SH3RF3: variants seen among roughly 807,000 people sequenced by gnomAD.
SH3RF3 encodes E3 ubiquitin-protein ligase SH3RF3.
A neutral mutation model predicts 66.3 loss-of-function variants in SH3RF3; 29 were observed. The ratio of observed to expected loss-of-function variants is 0.44; its 90% CI spans 0.33 to 0.60. The LOEUF (loss-of-function observed/expected upper bound fraction) is 0.60, where lower values mean the gene tolerates loss of function less well. SH3RF3 is among the 20% of genes least tolerant of loss of function. The probability of loss-of-function intolerance (pLI) is 0.04; values close to 1 mark genes in which losing one functional copy is unlikely to be tolerated. For missense variants in SH3RF3, 1,194 were observed against 1,190.9 expected, an observed-to-expected ratio of 1.00 and a Z score of -0.04; for synonymous variants, 583 against 532.0, an observed-to-expected ratio of 1.10 and a Z score of -1.32.
intron 1 of SH3RF3, among the ~76,000 whole-genome samples, chr2:109,134,212 G>A (rs897718158): frequency 3.3e-5 from 5 of 152,214 alleles, no homozygotes; most frequent in Non-Finnish European, 7.3e-5. Context: ...ATTTGGGCAA[G>A]TCAGAGAGCT....
At chr2:109,319,458 C>A (rs891428) in intron 1 of SH3RF3, among the ~76,000 whole-genome samples, 1 of 151,884 alleles carries the variant, frequency 6.6e-6, no homozygotes, top group African/African-American at 2.4e-5. Context: ...ACAAGTGATT[C>A]GTTTTCTTAC....
chr2:109,273,698 G>A lies in SH3RF3; in HGVS notation c.574-73976G>A, dbSNP rs72939518. 7.9e-3 allele frequency among the ~76,000 whole-genome samples: 1,209 copies of A among 152,238 alleles called. 14 individuals are homozygous for A. Among genetic ancestry groups the A allele is most frequent in the African/African-American group, 0.028 (1,154 of 41,506 alleles). ...GATGGGGACACACGTTGTCAGGGAC[G>A]CATGAGATCTATCACGTTGCAGGGT... On this transcript the variant is annotated intron_variant, in intron 1 of 9. Coordinates refer to ENST00000309415, the MANE Select transcript of SH3RF3 (RefSeq NM_001099289.3).
At chr2:109,380,383 A>G (rs1228871746) in intron 3 of SH3RF3, among the ~76,000 whole-genome samples, 1 of 152,184 alleles carries the variant, frequency 6.6e-6, no homozygotes, top group Non-Finnish European at 1.5e-5. Context: ...GTCCTGGCAC[A>G]GGGTGGGGCC....
At chr2:109,294,854 G>A (rs1245896863) in intron 1 of SH3RF3, among the ~76,000 whole-genome samples, 1 of 152,222 alleles carries the variant, frequency 6.6e-6, no homozygotes, top group Non-Finnish European at 1.5e-5. Flanking sequence ...ATCTTGGGGT[G>A]CACAGAGGAG....
chr2:109,293,200 G>A (rs561563070), intron 1 of SH3RF3, among the ~76,000 whole-genome samples: 169 of 152,362 alleles, frequency 1.1e-3, no homozygotes, highest in African/African-American at 3.7e-3. Context: ...GTGGGGCCCT[G>A]CAGACAGACT....
rs116576987 is a variant in SH3RF3, at chr2:109,318,662, C to G, written c.574-29012C>G. Among the ~76,000 whole-genome samples, 1,286 of 152,200 alleles carry G rather than the reference C, an allele frequency of 8.4e-3. 15 individuals carry two copies. The highest frequency in any genetic ancestry group is 0.03 in the African/African-American group (1,232 of 41,546). ...TCTTGTCAGCTGTGAGATCAGAGTC[C>G]TAGGGAAGCCAGAATGGTCTCTCAG... is the stretch of plus-strand genomic sequence containing the variant. On this transcript the variant is annotated intron_variant, in intron 1 of 9. Coordinates refer to ENST00000309415, the MANE Select transcript of SH3RF3 (RefSeq NM_001099289.3).
chr2:109,437,162 C>T lies in SH3RF3; in HGVS notation c.1828+16C>T. ...ATTTCAACAGGTACCTTCACAGGGG[C>T]CTCACCCTGCAGGGCATCAACAAGG... is the stretch of plus-strand genomic sequence containing the variant. On this transcript the variant is annotated intron_variant, in intron 7 of 9. Coordinates refer to ENST00000309415, the MANE Select transcript of SH3RF3 (RefSeq NM_001099289.3). 6.3e-7 allele frequency: 1 copy of T among 1,598,584 alleles called. No homozygotes were observed. The highest frequency in any genetic ancestry group is 8.5e-7 in the Non-Finnish European group (1 of 1,169,956).
At chr2:109,453,161 G>C (rs1677936668) in intron 8 of SH3RF3, among the ~76,000 whole-genome samples, 1 of 152,200 alleles carries the variant, frequency 6.6e-6, no homozygotes, top group African/African-American at 2.4e-5. Context: ...ACCCATTCCT[G>C]AACCAGAGCT....
intron 8 of SH3RF3, among the ~76,000 whole-genome samples, chr2:109,467,431 C>G (rs1454770313): frequency 2.0e-5 from 3 of 152,114 alleles, no homozygotes; most frequent in African/African-American, 7.2e-5. Flanking sequence ...AAATGCACAC[C>G]CATGTTTAGT....
intron 8 of SH3RF3, among the ~76,000 whole-genome samples, chr2:109,458,767 T>G (rs1031571655): frequency 2.9e-4 from 44 of 152,366 alleles, no homozygotes; most frequent in African/African-American, 9.9e-4. Context: ...TTCAGCTGAT[T>G]GGGCGAGGCC....
chr2:109,130,328 G>A (rs1676660251), intron 1 of SH3RF3, among the ~76,000 whole-genome samples: 1 of 152,228 alleles, frequency 6.6e-6, no homozygotes, highest in African/African-American at 2.4e-5. Flanking sequence ...ATCCTCCTGT[G>A]GAGTGGGCAC....
At chr2:109,204,498 TCTAGA>T (rs763726846) in intron 1 of SH3RF3, among the ~76,000 whole-genome samples, 56 of 152,346 alleles carry the variant, frequency 3.7e-4, no homozygotes, top group Admixed American at 1.9e-3. Context: ...TCTCCCTTAT[TCTAGA>T]CTAGTTTCTC....
At chr2:109,466,270 A>T (rs1190974633) in intron 8 of SH3RF3, among the ~76,000 whole-genome samples, 1 of 151,696 alleles carries the variant, frequency 6.6e-6, no homozygotes, top group Non-Finnish European at 1.5e-5. Context: ...TTTAGTAGAG[A>T]CGGGGTTTCA....
intron 1 of SH3RF3, among the ~76,000 whole-genome samples, chr2:109,225,191 C>T (rs1015829861): frequency 6.6e-6 from 1 of 152,166 alleles, no homozygotes; most frequent in Non-Finnish European, 1.5e-5. Context: ...TTCTGAGATT[C>T]TATCTTGCCC....
intron 1 of SH3RF3, among the ~76,000 whole-genome samples, chr2:109,269,366 C>T (rs1012215222): frequency 3.3e-5 from 5 of 152,214 alleles, no homozygotes; most frequent in Non-Finnish European, 7.3e-5. Context: ...CCCCACACAC[C>T]GTGTAATTTC....
At chr2:109,345,101 T>A (rs1027593450) in intron 1 of SH3RF3, among the ~76,000 whole-genome samples, 4 of 152,178 alleles carry the variant, frequency 2.6e-5, no homozygotes, top group African/African-American at 9.7e-5. Context: ...TGTCTCGCAG[T>A]GTCTCTGTCC....
At chr2:109,183,061 C>G (rs997688973) in intron 1 of SH3RF3, among the ~76,000 whole-genome samples, 5 of 152,114 alleles carry the variant, frequency 3.3e-5, no homozygotes, top group Non-Finnish European at 4.4e-5. Context: ...TTATCCCAAG[C>G]CACAATGACT....
At chr2:109,442,121 C>T (rs1241295477) in intron 7 of SH3RF3, among the ~76,000 whole-genome samples, 2 of 152,028 alleles carry the variant, frequency 1.3e-5, no homozygotes, top group African/African-American at 4.8e-5. Flanking sequence ...ACCATCCTGG[C>T]TAACACAGTG....
At chr2:109,400,530 G>C (rs10175760) in intron 4 of SH3RF3, among the ~76,000 whole-genome samples, 78,667 of 151,574 alleles carry the variant, frequency 0.52, 20,779 homozygotes, top group South Asian at 0.6. Context: ...CACACCTGCA[G>C]ATACACATGC....
Sources: gnomAD v4.1 joint callset for allele counts (sites outside exome capture counted in the v4.1 genomes callset) on GRCh38, gnomAD v4.1.1 for gene constraint, MANE v1.5 for transcripts, NCBI Gene and HGNC (gene_info 2026-07-23, HGNC 2026-07-21) for gene names.